The following GPHN variants were observed in gnomAD, a reference collection of about 807,000 sequenced individuals.
GPHN encodes the protein gephyrin.
GPHN carries 17 observed loss-of-function variants against 95.5 expected under a neutral mutation model. The observed-to-expected ratio is 0.18, with a 90% CI of 0.12 to 0.27. The LOEUF is 0.27. Among genes scored for constraint, GPHN ranks in the 10% least tolerant of loss-of-function variants. The pLI is 1.00. For missense variants in GPHN, 660 were observed against 978.1 expected, an observed-to-expected ratio of 0.67 and a Z score of 4.34; for synonymous variants, 320 against 322.5, an observed-to-expected ratio of 0.99 and a Z score of 0.08.
chr14:66,758,511 G>A (rs78385611), intron 2 of GPHN, among the ~76,000 whole-genome samples: 4,663 of 152,216 alleles, frequency 0.031, 116 homozygotes, highest in African/African-American at 0.068. Flanking sequence ...CTACAGTTGC[G>A]TGACCATTTT....
chr14:67,439,593 C>CTTTTT, the GPHN span, among the ~76,000 whole-genome samples: 16 of 109,824 alleles, frequency 1.5e-4, no homozygotes, highest in African/African-American at 5.1e-4. Context: ...TTCTTTCTTT[C>CTTTTT]TTCTTTCTTT....
chr14:67,520,220 G>T, the GPHN span, among the ~76,000 whole-genome samples: 1 of 124,174 alleles, frequency 8.1e-6, no homozygotes, highest in Non-Finnish European at 1.9e-5. Context: ...TTACATTAGG[G>T]TTCACTCTTG....
At chr14:66,738,891 C>T (rs1452521427) in intron 2 of GPHN, among the ~76,000 whole-genome samples, 1 of 151,904 alleles carries the variant, frequency 6.6e-6, no homozygotes, top group African/African-American at 2.4e-5. Context: ...TGTATAATAC[C>T]AGGAAATTGA....
rs192099408 is a variant in GPHN, at chr14:66,583,227, T to G, written c.64+74636T>G. Among the ~76,000 whole-genome samples, 477 of 152,084 alleles carry G rather than the reference T, an allele frequency of 3.1e-3. 3 individuals carry two copies. The highest frequency in any genetic ancestry group is 0.011 in the African/African-American group (444 of 41,528). On this transcript the variant is annotated intron_variant, in intron 1 of 22. Transcript: ENST00000478722. ...CATATTCTTTGCCCACTTTTTGATG[T>G]GGTTGTTTGTTTTTTTCTTGTAAAT...
the GPHN span, among the ~76,000 whole-genome samples, chr14:67,499,587 A>G: frequency 6.6e-6 from 1 of 152,212 alleles, no homozygotes; most frequent in Non-Finnish European, 1.5e-5. Flanking sequence ...TATCTTCCTT[A>G]ATGGACAAGA....
chr14:66,945,768 A>G lies in GPHN; in HGVS notation c.829-19423A>G, dbSNP rs957873834. On this transcript the variant is annotated intron_variant, in intron 8 of 22. Transcript: ENST00000478722. The stretch of plus-strand genomic sequence containing the variant: ...AGCAGTGTGGACAGGGAGAGCATTA[A>G]CAGTTCTCTGGGGACTTTATACAAA... Among the ~76,000 whole-genome samples, 4 of 152,312 alleles carry G rather than the reference A, an allele frequency of 2.6e-5. No individual in the cohort carries two copies. The South Asian group carries it at 8.3e-4, about 32-fold the overall frequency.
the GPHN span, among the ~76,000 whole-genome samples, chr14:67,345,034 G>A: frequency 6.6e-6 from 1 of 152,164 alleles, no homozygotes; most frequent in Non-Finnish European, 1.5e-5. Context: ...TTGAGCCCAG[G>A]AGTTCGAGAC....
chr14:67,158,073 G>A (rs1470119966), intron 18 of GPHN, among the ~76,000 whole-genome samples: 2 of 151,998 alleles, frequency 1.3e-5, no homozygotes, highest in East Asian at 1.9e-4. Flanking sequence ...TTGGGAGGCC[G>A]AGACGGGTGG....
At chr14:66,626,161 C>T (rs997916149) in intron 1 of GPHN, among the ~76,000 whole-genome samples, 8 of 152,124 alleles carry the variant, frequency 5.3e-5, no homozygotes, top group Non-Finnish European at 1.0e-4. Flanking sequence ...TCTCCTCTAC[C>T]ATCTATTATG....
the GPHN span, among the ~76,000 whole-genome samples, chr14:67,439,594 T>TTTC: frequency 3.3e-4 from 34 of 102,040 alleles, no homozygotes; most frequent in African/African-American, 1.3e-3. Flanking sequence ...TCTTTCTTTC[T>TTTC]TCTTTCTTTT....
intron 18 of GPHN, among the ~76,000 whole-genome samples, chr14:67,153,403 C>T (rs957029952): frequency 1.3e-5 from 2 of 152,214 alleles, no homozygotes; most frequent in African/African-American, 4.8e-5. Flanking sequence ...CTCTTCCAGG[C>T]TGCAGATAGC....
intron 8 of GPHN, among the ~76,000 whole-genome samples, chr14:66,951,530 A>G (rs1254837882): frequency 6.6e-6 from 1 of 151,856 alleles, no homozygotes; most frequent in African/African-American, 2.4e-5. Context: ...AAAAAAAAAA[A>G]AGGAAGGGAT....
chr14:67,334,783 A>C, the GPHN span: 1 of 152,248 alleles, frequency 6.6e-6, no homozygotes. Context: ...GATTTTTAGC[A>C]TTAAAAACTA....
chr14:66,604,410 G>A (rs751149914), intron 1 of GPHN, among the ~76,000 whole-genome samples: 37 of 151,996 alleles, frequency 2.4e-4, no homozygotes, highest in South Asian at 4.1e-4. Flanking sequence ...GTATGTGTAC[G>A]CATTCGGGTA....
chr14:67,415,390 G>A, the GPHN span, among the ~76,000 whole-genome samples: 3 of 152,172 alleles, frequency 2.0e-5, no homozygotes, highest in South Asian at 2.1e-4. Context: ...CATGTAGGTT[G>A]AATTTCCTTT....
At chr14:66,773,891 T>C (rs1221023280) in intron 2 of GPHN, among the ~76,000 whole-genome samples, 1 of 152,166 alleles carries the variant, frequency 6.6e-6, no homozygotes, top group Non-Finnish European at 1.5e-5. Flanking sequence ...GTTCTAAATA[T>C]TGTCAAACAT....
chr14:67,641,591 T>C, the GPHN span, among the ~76,000 whole-genome samples: 3 of 152,330 alleles, frequency 2.0e-5, no homozygotes, highest in Admixed American at 6.5e-5. Context: ...AATCAATAAA[T>C]ATTAGATATT....
chr14:67,289,769 C>CTT, the GPHN span, among the ~76,000 whole-genome samples: 1 of 128,346 alleles, frequency 7.8e-6, no homozygotes, highest in Admixed American at 8.8e-5. Flanking sequence ...TTTCCATGTC[C>CTT]TTTTTTTTTT....
At chr14:66,580,468 T>C (rs2061109275) in intron 1 of GPHN, among the ~76,000 whole-genome samples, 1 of 132,818 alleles carries the variant, frequency 7.5e-6, no homozygotes, top group Admixed American at 7.5e-5. Flanking sequence ...ACTGAAAAAA[T>C]AGTGAAGAGT....
Sources: allele counts gnomAD v4.1 joint callset (sites outside exome capture counted in the v4.1 genomes callset), GRCh38; gene constraint gnomAD v4.1.1; transcripts MANE v1.5; gene names NCBI Gene and HGNC (gene_info 2026-07-23, HGNC 2026-07-21).